The following RAD51B variants were observed in gnomAD, a reference collection of about 807,000 sequenced individuals.
The protein encoded by RAD51B is DNA repair protein RAD51 homolog 2.
In RAD51B, 38 loss-of-function variants were observed where a neutral mutation model predicts 42.2. The observed-to-expected ratio is 0.90, with a 90% CI of 0.70 to 1.18. RAD51B has a LOEUF of 1.18. Ranked by LOEUF, RAD51B falls within the 50% of genes most tolerant of loss-of-function variation. The pLI is 0.00. For synonymous variants in RAD51B, 154 were observed against 145.2 expected (o/e 1.06, Z -0.43); for missense variants, 373 against 400.7 (o/e 0.93, Z 0.59).
intron 11 of RAD51B, among the ~76,000 whole-genome samples, chr14:68,679,280 A>T (rs1289066076): frequency 6.6e-6 from 1 of 152,208 alleles, no homozygotes; most frequent in Non-Finnish European, 1.5e-5. Context: ...CAAACAAACA[A>T]ACAAACAAAA....
At chr14:68,493,144 C>G (rs939155565) in intron 10 of RAD51B, among the ~76,000 whole-genome samples, 7 of 152,254 alleles carry the variant, frequency 4.6e-5, no homozygotes, top group Admixed American at 2.6e-4. Context: ...GGGTCCCCTG[C>G]TACCTTTTGA....
At chr14:68,202,656 C>G (rs114679400) in intron 7 of RAD51B, among the ~76,000 whole-genome samples, 1,469 of 132,610 alleles carry the variant, frequency 0.011, 29 homozygotes, top group African/African-American at 0.039. Flanking sequence ...GATCTTGGTT[C>G]ACCGCAGCCT....
chr14:68,563,117 A>G, intron 10 of RAD51B: 1 of 985,480 alleles, frequency 1.0e-6, no homozygotes, highest in South Asian at 4.7e-5. Context: ...TGCCGGGTTC[A>G]GAGAGGGCTT....
chr14:68,562,421 C>T, intron 10 of RAD51B: 3 of 982,594 alleles, frequency 3.1e-6, no homozygotes, highest in Non-Finnish European at 3.6e-6. Context: ...CCCATACAGC[C>T]CCCAGTCAAC....
chr14:67,855,764 G>C (rs1362461542), intron 4 of RAD51B, among the ~76,000 whole-genome samples: 2 of 152,200 alleles, frequency 1.3e-5, no homozygotes, highest in Non-Finnish European at 2.9e-5. Context: ...GTCTGCAAAG[G>C]TGGATCCTGT....
At chr14:68,292,474 C>T (rs1374716287) in intron 8 of RAD51B, among the ~76,000 whole-genome samples, 1 of 152,174 alleles carries the variant, frequency 6.6e-6, no homozygotes, top group African/African-American at 2.4e-5. Context: ...CCCCTGCTAG[C>T]AAAGGTCAGG....
At chr14:68,281,543 C>T (rs61274387) in intron 7 of RAD51B, among the ~76,000 whole-genome samples, 11,062 of 152,152 alleles carry the variant, frequency 0.073, 1,344 homozygotes, top group African/African-American at 0.25. Context: ...GGATCTGACT[C>T]CAGAGTCCAC....
intron 10 of RAD51B, among the ~76,000 whole-genome samples, chr14:68,609,225 C>G (rs1891575060): frequency 6.6e-6 from 1 of 152,202 alleles, no homozygotes; most frequent in Non-Finnish European, 1.5e-5. Context: ...TGCATTCACT[C>G]CAAACCTTCG....
At chr14:68,063,996 G>A (rs1397553652) in intron 7 of RAD51B, among the ~76,000 whole-genome samples, 1 of 152,068 alleles carries the variant, frequency 6.6e-6, no homozygotes, top group Non-Finnish European at 1.5e-5. Context: ...TTTTTGAAGT[G>A]ATATGTTTTG....
rs189463356 is a variant in RAD51B, at chr14:67,829,305, C to T, written c.198+3728C>T. Among the ~76,000 whole-genome samples, 27 of 151,728 alleles carry T rather than the reference C, an allele frequency of 1.8e-4. No homozygotes were observed. The East Asian group carries it at 3.9e-3, about 22-fold the overall frequency. On this transcript the variant is annotated intron_variant, in intron 3 of 10. Coordinates refer to ENST00000471583, the MANE Select transcript of RAD51B (RefSeq NM_133510.4). ...TCGCCGAGGCTGGAGTGCAGTGGCA[C>T]AATCTTGGCTCACTGCAAGCTCTGC... is the stretch of plus-strand genomic sequence containing the variant.
intron 8 of RAD51B, among the ~76,000 whole-genome samples, chr14:68,366,092 A>G (rs531863933): frequency 6.6e-6 from 1 of 152,312 alleles, no homozygotes; most frequent in South Asian, 2.1e-4. Context: ...CATTCCTAAG[A>G]TTAATTCTTC....
At chr14:68,404,005 A>G (rs1594788381) in intron 8 of RAD51B, among the ~76,000 whole-genome samples, 1 of 152,222 alleles carries the variant, frequency 6.6e-6, no homozygotes, top group African/African-American at 2.4e-5. Flanking sequence ...TGACTTACCT[A>G]AAAGAGTCTC....
chr14:68,140,009 G>C (rs917020551), intron 7 of RAD51B, among the ~76,000 whole-genome samples: 4 of 152,138 alleles, frequency 2.6e-5, no homozygotes, highest in African/African-American at 9.7e-5. Flanking sequence ...GGAGCAGCAG[G>C]TGCCTCCCTG....
chr14:68,132,310 A>C (rs1308943376), intron 7 of RAD51B, among the ~76,000 whole-genome samples: 1 of 152,232 alleles, frequency 6.6e-6, no homozygotes, highest in African/African-American at 2.4e-5. Context: ...TGCTGTACAG[A>C]CAAAAAGTAA....
chr14:68,158,488 C>T (rs1486381061), intron 7 of RAD51B, among the ~76,000 whole-genome samples: 1 of 152,156 alleles, frequency 6.6e-6, no homozygotes, highest in Non-Finnish European at 1.5e-5. Context: ...TAAGCTGAAC[C>T]AACTAAAGAG....
chr14:68,354,301 T>G (rs2082853056), intron 8 of RAD51B, among the ~76,000 whole-genome samples: 1 of 148,816 alleles, frequency 6.7e-6, no homozygotes, highest in Non-Finnish European at 1.5e-5. Context: ...ACGGCAACCT[T>G]CACCTCCCAG....
Position 68,339,359 on chromosome 14 carries a change from C to T in RAD51B, c.853+47379C>T, listed in dbSNP as rs531354461. 2.9e-6 allele frequency: 3 copies of T among 1,025,980 alleles called. No individual in the cohort carries two copies. In the African/African-American group the frequency reaches 4.7e-5, roughly 16 times the overall value. The allele number at this position is 1,025,980 out of a possible 1,614,324, so 63.6% of individuals were successfully genotyped here. A position where few individuals can be genotyped will look rare whatever the true frequency, so the allele number is the denominator to read the frequency against. ...GCCGCTGCAACCTGATATAGTGGGG[C>T]CATTTCACAAAGCGGGTGAGGTCTC... On this transcript the variant is annotated intron_variant, in intron 8 of 10. Transcript: ENST00000471583.
chr14:67,915,163 C>T (rs2044110024), intron 7 of RAD51B, among the ~76,000 whole-genome samples: 1 of 152,112 alleles, frequency 6.6e-6, no homozygotes, highest in Non-Finnish European at 1.5e-5. Context: ...TATTTGTATT[C>T]TAAACCTCAG....
intron 5 of RAD51B, among the ~76,000 whole-genome samples, chr14:67,883,338 A>AC (rs2042972674): frequency 2.0e-5 from 3 of 152,022 alleles, no homozygotes; most frequent in South Asian, 4.1e-4. Context: ...CAAAAAAAAA[A>AC]AAAACAAAAA....
Sources: gnomAD v4.1 joint callset for allele counts (sites outside exome capture counted in the v4.1 genomes callset) on GRCh38, gnomAD v4.1.1 for gene constraint, MANE v1.5 for transcripts, NCBI Gene and HGNC (gene_info 2026-07-23, HGNC 2026-07-21) for gene names.